Variants in EZH1 observed in about 807,000 individuals in gnomAD.
EZH1 encodes the protein histone-lysine N-methyltransferase EZH1.
A neutral mutation model predicts 100.5 loss-of-function variants in EZH1; 33 were observed. The observed-to-expected ratio is 0.33, with a 90% CI of 0.25 to 0.44. The LOEUF (loss-of-function observed/expected upper bound fraction) is 0.44, where lower values mean the gene tolerates loss of function less well. EZH1 is among the 20% of genes least tolerant of loss of function. The pLI is 1.00. For synonymous variants in EZH1, 272 were observed against 313.8 expected (o/e 0.87, Z 1.41); for missense variants, 475 against 928.4 (o/e 0.51, Z 6.35).
intron 1 of EZH1, 39 bp downstream of exon 1, chr17:42,744,972 C>G (rs1319871173): frequency 3.2e-6 from 4 of 1,258,514 alleles, no homozygotes; most frequent in Admixed American, 2.5e-5. Context: ...GGAGGAGGCC[C>G]GGCCCCACCG....
chr17:42,737,498 G>A (rs1047826389), intron 1 of EZH1, among the ~76,000 whole-genome samples: 2 of 152,036 alleles, frequency 1.3e-5, no homozygotes, highest in African/African-American at 4.8e-5. Flanking sequence ...AGCTACCAGG[G>A]AGGCTGAGGT....
At chr17:42,732,359 G>A (rs2053967179) in intron 1 of EZH1, among the ~76,000 whole-genome samples, 1 of 152,194 alleles carries the variant, frequency 6.6e-6, no homozygotes, top group Admixed American at 6.6e-5. Context: ...GAGGCTGGGT[G>A]CAGTGGCTTA....
At position 42,713,486 on chromosome 17, in the gene EZH1, A is replaced by G. The variant is rs2053530119; in HGVS notation, c.1024-97T>C. The G allele has an allele frequency of 8.0e-6, 9 of 1,130,536 alleles. No homozygotes were observed. In the East Asian group the frequency reaches 2.4e-4, roughly 30 times the overall value. 70.0% of individuals were successfully genotyped at this position (1,130,536 alleles called of 1,614,324 possible). A position where few individuals can be genotyped will look rare whatever the true frequency, so the allele number is the denominator to read the frequency against. On this transcript the variant is annotated intron_variant, in intron 10 of 20. Transcript: ENST00000428826. ...TTCATCTTTACAACATCTGTCTACA[A>G]TAATAGTGTCTTTTCTTTTTCTCTG...
intron 1 of EZH1, among the ~76,000 whole-genome samples, chr17:42,743,100 C>T (rs2054207533): frequency 6.6e-6 from 1 of 152,024 alleles, no homozygotes; most frequent in Admixed American, 6.6e-5. Flanking sequence ...GACTCTTGAC[C>T]TCAAGTGATC....
At position 42,700,776 on chromosome 17, in the gene EZH1, T is replaced by C. The variant is rs1274460037; in HGVS notation, c.*1756A>G. 3 of 152,558 alleles carry C rather than the reference T, an allele frequency of 2.0e-5. No homozygotes were observed. Among genetic ancestry groups the C allele is most frequent in the African/African-American group, 7.2e-5 (3 of 41,412 alleles). 9.5% of individuals were successfully genotyped at this position (152,558 alleles called of 1,614,324 possible). On this transcript the variant is annotated 3_prime_UTR_variant, in exon 21 of 21. Transcript: ENST00000428826. Reference sequence around the variant, plus strand: ...CAGGATCATGCTGGGGCCTGGCCCATTTGGGTGGGAGGAGCTTTCTGTCAG... The same window carrying C: ...CAGGATCATGCTGGGGCCTGGCCCACTTGGGTGGGAGGAGCTTTCTGTCAG...
At chr17:42,737,981 C>G (rs902386733) in intron 1 of EZH1, among the ~76,000 whole-genome samples, 11 of 151,994 alleles carry the variant, frequency 7.2e-5, no homozygotes, top group African/African-American at 2.7e-4. Flanking sequence ...TCAAGACCAT[C>G]CTGGGTAACA....
At chr17:42,727,115 G>C (rs2053836099) in intron 4 of EZH1, among the ~76,000 whole-genome samples, 1 of 152,094 alleles carries the variant, frequency 6.6e-6, no homozygotes. Flanking sequence ...CTCCCGAAGT[G>C]CTGAGATTAC....
Position 42,702,527 on chromosome 17 carries a change from G to A in EZH1, c.*5C>T, listed in dbSNP as rs561631293. 1 of 1,557,442 alleles carries A rather than the reference G, an allele frequency of 6.4e-7. No homozygotes were observed. The highest frequency in any genetic ancestry group is 1.2e-5 in the South Asian group (1 of 84,684). On this transcript the variant is annotated 3_prime_UTR_variant, in exon 21 of 21. Transcript: ENST00000428826. ...CCATAAGTGCTGCCGTGGGGCCTGGGAGGGCTAAAGGACGTCGGTCTCCCT... is the reference window on the plus strand; with the variant it reads ...CCATAAGTGCTGCCGTGGGGCCTGGAAGGGCTAAAGGACGTCGGTCTCCCT...
In EZH1 at chr17:42,720,353, T is replaced by A; in HGVS notation, c.584A>T (p.Asn195Ile). 1 of 1,614,190 alleles carries A rather than the reference T, an allele frequency of 6.2e-7. No homozygotes were observed. The highest frequency in any genetic ancestry group is 8.5e-7 in the Non-Finnish European group (1 of 1,180,030). ...QYSDEEEEGHNDTSDGKQDDS... is the reference protein window; with the variant it reads ...QYSDEEEEGHIDTSDGKQDDS... Reference sequence around the variant, plus strand: ...ATCCTGCTTTCCATCTGAGGTGTCATTGTGCCCTTCCTCCTCCTCATCTGA... The same window carrying A: ...ATCCTGCTTTCCATCTGAGGTGTCAATGTGCCCTTCCTCCTCCTCATCTGA... Residue 195 changes from asparagine to isoleucine, a missense_variant, in exon 7 of 21, where the codon AAT becomes ATT. Physicochemically the swap from Asn to Ile is moderately radical, Grantham distance 149. Coordinates refer to ENST00000428826, the MANE Select transcript of EZH1 (RefSeq NM_001991.5).
intron 4 of EZH1, among the ~76,000 whole-genome samples, chr17:42,725,520 A>C (rs2053802235): frequency 6.6e-6 from 1 of 151,954 alleles, no homozygotes; most frequent in African/African-American, 2.4e-5. Flanking sequence ...GACTCAAGCA[A>C]TCATCCTGCC....
chr17:42,736,535 C>T (rs551788423), intron 1 of EZH1, among the ~76,000 whole-genome samples: 4 of 152,258 alleles, frequency 2.6e-5, no homozygotes, highest in Admixed American at 2.0e-4. Context: ...CATCTCAAGA[C>T]CATTAAAAGA....
chr17:42,722,339 A>AT (rs2053725415), intron 6 of EZH1, among the ~76,000 whole-genome samples: 1 of 149,902 alleles, frequency 6.7e-6, no homozygotes, highest in African/African-American at 2.5e-5. Context: ...AAAAAAAAAA[A>AT]TTGGGCTAGG....
At chr17:42,709,291 C>A (rs1465686293) in intron 13 of EZH1, 4 of 232,028 alleles carry the variant, frequency 1.7e-5, no homozygotes, top group Non-Finnish European at 3.4e-5. Context: ...GGTGGGAAGG[C>A]CTTTCAGGAA....
In EZH1 at chr17:42,708,003, T is replaced by G. The variant is rs757105069; in HGVS notation, c.1615A>C (p.Met539Leu). The G allele has an allele frequency of 6.2e-7, 1 of 1,612,672 alleles. No individual in the cohort carries two copies. Among genetic ancestry groups the G allele is most frequent in the Non-Finnish European group, 8.5e-7 (1 of 1,179,772 alleles). ...RPCDSTCPCI[M>L]TQNFCEKFCQ... ...AACTTCTCACAGAAATTCTGAGTCA[T>G]GATGCAGGGGCAGGTGCTGTCACAG... The change falls in exon 15 of 21, where the codon ATG becomes CTG. Residue 539 changes from methionine (M) to leucine (L), a missense_variant. Around this residue, in one of 8 missense-constraint regions of EZH1, gnomAD observed 17 missense variants for 75.8 expected, o/e 0.22. Coordinates refer to ENST00000428826, the MANE Select transcript of EZH1 (RefSeq NM_001991.5).
Position 42,745,019 on chromosome 17 carries a change from C to T in EZH1, c.-111G>A, listed in dbSNP as rs914646123. 308 of 1,272,828 alleles carry T rather than the reference C, an allele frequency of 2.4e-4. No individual in the cohort carries two copies. The highest frequency in any genetic ancestry group is 3.0e-4 in the Non-Finnish European group (293 of 982,550). The allele number at this position is 1,272,828 out of a possible 1,614,324, so 78.8% of individuals were successfully genotyped here. A position where few individuals can be genotyped will look rare whatever the true frequency, so the allele number is the denominator to read the frequency against. ...CTTGTTTACTCACTCACCCTCCATC[C>T]CGAGCCGCGGGTCCCGCTGCTAGGA... On this transcript the variant is annotated 5_prime_UTR_variant, in exon 1 of 21. Coordinates refer to ENST00000428826, the MANE Select transcript of EZH1 (RefSeq NM_001991.5).
rs1008616621 is a variant in EZH1 at position 42,706,706 on chromosome 17, GA to G, written c.1661-522del. ...CCTGTCTCAAAAAAATTTAAAAAAT[GA>G]AAAAAAAAGCAGGTATACTAATAAG... On this transcript the variant is annotated intron_variant, in intron 15 of 20. Coordinates refer to ENST00000428826, the MANE Select transcript of EZH1 (RefSeq NM_001991.5). This position sits in a 1 kb window ranked among gnomAD's most constrained non-coding sequence, Gnocchi z 4.4. Among the ~76,000 whole-genome samples, 13 of 149,422 alleles carry G rather than the reference GA, an allele frequency of 8.7e-5. No homozygotes were observed. Among genetic ancestry groups the G allele is most frequent in the Non-Finnish European group, 6.0e-5 (4 of 67,208 alleles).
intron 7 of EZH1, among the ~76,000 whole-genome samples, chr17:42,719,708 C>T (rs1329703756): frequency 6.6e-6 from 1 of 151,934 alleles, no homozygotes; most frequent in Non-Finnish European, 1.5e-5. Flanking sequence ...CTGCACTCCA[C>T]CTTGGGTAAC....
intron 1 of EZH1, among the ~76,000 whole-genome samples, chr17:42,734,165 A>G (rs1371484901): frequency 6.6e-6 from 1 of 150,734 alleles, no homozygotes; most frequent in African/African-American, 2.4e-5. Flanking sequence ...CTTGTGCCTC[A>G]GCCTCCTGAG....
chr17:42,741,568 T>G (rs2054177018), intron 1 of EZH1, among the ~76,000 whole-genome samples: 2 of 152,200 alleles, frequency 1.3e-5, no homozygotes, highest in Admixed American at 1.3e-4. Flanking sequence ...CTTAATGACA[T>G]GAATTGTTAC....
Sources: gnomAD v4.1 joint callset for allele counts (sites outside exome capture counted in the v4.1 genomes callset) on GRCh38, gnomAD v4.1.1 for gene constraint, gnomAD v4.1.1 regional missense constraint, Gnocchi (gnomAD v3.1) non-coding constraint, MANE v1.5 for transcripts, NCBI Gene and HGNC (gene_info 2026-07-23, HGNC 2026-07-21) for gene names.